The following PRPF8 variants were observed in gnomAD, a reference collection of about 807,000 sequenced individuals.
PRPF8 encodes the protein pre-mRNA-processing-splicing factor 8.
PRPF8 carries 64 observed loss-of-function variants against 285.9 expected under a neutral mutation model. The ratio of observed to expected loss-of-function variants is 0.22; its 90% CI spans 0.18 to 0.28. The LOEUF (loss-of-function observed/expected upper bound fraction) is 0.28. PRPF8 is among the 10% of genes least tolerant of loss of function. PRPF8 has a pLI of 1.00. For synonymous variants in PRPF8, 1,325 were observed against 1,118.2 expected, an observed-to-expected ratio of 1.18 and a Z score of -3.69; for missense variants, 1,426 against 3,026.7, an observed-to-expected ratio of 0.47 and a Z score of 12.41.
chr17:1,655,488 G>A lies in PRPF8; in HGVS notation c.5849C>T (p.Ala1950Val), dbSNP rs1911319119. Residue 1950 changes from alanine (A) to valine (V), a missense_variant, in exon 37 of 43, where the codon GCA becomes GTA. Ala to Val is a moderately conservative substitution (Grantham distance 64). This residue lies in a region of PRPF8 where 35 missense variants were observed against 47.7 expected (regional missense o/e 0.73). Coordinates refer to ENST00000304992, the MANE Select transcript of PRPF8 (RefSeq NM_006445.4). ...LRALHVNNDR[A>V]KVILKPDKTT... ...CTTGTCTGGCTTCAGGATCACTTTT[G>A]CCCGATCGTTGTTCACATGTAGGGC... 6.2e-7 allele frequency: 1 copy of A among 1,614,076 alleles called. No individual in the cohort carries two copies. Among genetic ancestry groups the A allele is most frequent in the Non-Finnish European group, 8.5e-7 (1 of 1,179,980 alleles).
At chr17:1,660,391 C>A in intron 30 of PRPF8, 41 bp downstream of exon 30, 1 of 1,612,822 alleles carries the variant, frequency 6.2e-7, no homozygotes, top group Non-Finnish European at 8.5e-7. Context: ...TCCACCTGAG[C>A]TGACTCTCTA....
rs757084657 is a variant in PRPF8 at position 1,658,222 on chromosome 17, C to G, written c.5505+31G>C. On this transcript the variant is annotated intron_variant, in intron 34 of 42. Transcript: ENST00000304992. This position sits in a 1 kb window ranked among gnomAD's most constrained non-coding sequence, Gnocchi z 4.1. ...CCCAAGAATAAGAGGCAACATGGTT[C>G]TACAGCCTCTTCATCTTTAAACCTG... 6.2e-7 allele frequency: 1 copy of G among 1,613,852 alleles called. No individual in the cohort carries two copies. Among genetic ancestry groups the G allele is most frequent in the Non-Finnish European group, 8.5e-7 (1 of 1,180,006 alleles).
chr17:1,684,059 G>C (rs1025510482), intron 2 of PRPF8, among the ~76,000 whole-genome samples: 4 of 151,862 alleles, frequency 2.6e-5, no homozygotes, highest in African/African-American at 9.7e-5. Flanking sequence ...ACTCATTTTT[G>C]TATTTTTCGT....
chr17:1,680,852 A>G (rs776102632), intron 7 of PRPF8, 21 bp from the exon 8 acceptor site: 2 of 1,614,058 alleles, frequency 1.2e-6, no homozygotes, highest in South Asian at 2.2e-5. Flanking sequence ...AGGAAGAGTC[A>G]GCCAAAGTTT....
At chr17:1,660,898 G>A (rs1453936943) in intron 28 of PRPF8, 71 bp from the exon 29 acceptor site, 54 of 1,612,404 alleles carry the variant, frequency 3.3e-5, no homozygotes, top group Non-Finnish European at 8.5e-7. Flanking sequence ...TCCTGGAGGT[G>A]GCTGTCTGGG....
chr17:1,677,277 G>A (rs1367428346), intron 14 of PRPF8, 105 bp from the exon 15 acceptor site: 8 of 1,228,526 alleles, frequency 6.5e-6, no homozygotes, highest in South Asian at 1.2e-5. Context: ...ATAAAATTAG[G>A]TATTAACAAA....
intron 24 of PRPF8, among the ~76,000 whole-genome samples, chr17:1,667,066 A>T (rs891177947): frequency 6.6e-6 from 1 of 152,040 alleles, no homozygotes; most frequent in Admixed American, 6.6e-5. Flanking sequence ...CCAGCTACTC[A>T]GGAGGCTGAG....
rs1347924763 is a variant in PRPF8 at position 1,684,776 on chromosome 17, G to A, written c.-12+4C>T. ...CAGCCCGGCCTTAAACGCCTGCCAC[G>A]CACCCCACAGGCCCTCACACAAGAG... On this transcript the variant is annotated splice_donor_region_variant and intron_variant, in intron 1 of 42. Coordinates refer to ENST00000304992, the MANE Select transcript of PRPF8 (RefSeq NM_006445.4). 4 of 626,618 alleles carry A rather than the reference G, an allele frequency of 6.4e-6. No homozygotes were observed. Among genetic ancestry groups the A allele is most frequent in the Non-Finnish European group, 1.1e-5 (4 of 349,108 alleles). The allele number at this position is 626,618 out of a possible 1,614,324, so 38.8% of individuals were successfully genotyped here.
chr17:1,651,884 G>A lies in PRPF8; in HGVS notation c.6370-96C>T. On this transcript the variant is annotated intron_variant, in intron 39 of 42. Transcript: ENST00000304992. This position sits in a 1 kb window ranked among gnomAD's most constrained non-coding sequence, Gnocchi z 5.1. ...GTTTCCTTCCTTCCCCCAAGAACGA[G>A]GACAGAGTTTCTTAAAACGTGATCA... 1 of 1,480,278 alleles carries A rather than the reference G, an allele frequency of 6.8e-7. No individual in the cohort carries two copies. Among genetic ancestry groups the A allele is most frequent in the Non-Finnish European group, 9.4e-7 (1 of 1,065,956 alleles). The allele number at this position is 1,480,278 out of a possible 1,614,324, so 91.7% of individuals were successfully genotyped here. A position where few individuals can be genotyped will look rare whatever the true frequency, so the allele number is the denominator to read the frequency against.
chr17:1,651,368 G>C lies in PRPF8; in HGVS notation c.6650+46C>G, dbSNP rs374579230. The C allele has an allele frequency of 1.9e-6, 3 of 1,613,874 alleles. No individual in the cohort carries two copies. Among genetic ancestry groups the C allele is most frequent in the Admixed American group, 1.7e-5 (1 of 59,986 alleles). ...AGGCCACTGTTCTGGGCCCTGGCCTGCAATCCCTGCCCCACCATACTTCCT... is the reference window on the plus strand; with the variant it reads ...AGGCCACTGTTCTGGGCCCTGGCCTCCAATCCCTGCCCCACCATACTTCCT... On this transcript the variant is annotated intron_variant, in intron 41 of 42. Coordinates refer to ENST00000304992, the MANE Select transcript of PRPF8 (RefSeq NM_006445.4). This position sits in a 1 kb window ranked among gnomAD's most constrained non-coding sequence, Gnocchi z 5.1.
rs62088057 is a variant in PRPF8, at chr17:1,659,237, A to C, written c.5138+120T>G. The stretch of plus-strand genomic sequence containing the variant: ...GACAGGGTTTCACCATGTTGCCCAG[A>C]CTGGTCTCAAACTCCTGAGCTCAGA... On this transcript the variant is annotated intron_variant, in intron 32 of 42. Coordinates refer to ENST00000304992, the MANE Select transcript of PRPF8 (RefSeq NM_006445.4). This position sits in a 1 kb window ranked among gnomAD's most constrained non-coding sequence, Gnocchi z 5.1. The C allele has an allele frequency of 0.034, 38,800 of 1,149,786 alleles. 776 individuals are homozygous for C. The highest frequency in any genetic ancestry group is 0.054 in the Middle Eastern group (193 of 3,576). 71.2% of individuals were successfully genotyped at this position (1,149,786 alleles called of 1,614,324 possible). A position where few individuals can be genotyped will look rare whatever the true frequency, so the allele number is the denominator to read the frequency against.
At position 1,650,910 on chromosome 17, in the gene PRPF8, G is replaced by A. The variant is rs141762321; in HGVS notation, c.6900C>T (p.Asn2300=). 51 of 1,614,058 alleles carry A rather than the reference G, an allele frequency of 3.2e-5. No individual in the cohort carries two copies. In the African/African-American group the frequency reaches 4.7e-4, roughly 15 times the overall value. ...GCACCTCGTGGTAGAACTCTTTGGG[G>A]TTCGCCAGCTGTAGCTCATATTTCA... ...PNMKYELQLA[N]PKEFYHEVHR... is the part of the protein sequence containing the mutation. The change falls in exon 43 of 43, where the codon AAC becomes AAT. Residue 2300 remains asparagine, a synonymous_variant. Transcript: ENST00000304992.
Position 1,650,766 on chromosome 17 carries a change from G to A in PRPF8, c.*36C>T, listed in dbSNP as rs776962939. 22 of 1,612,270 alleles carry A rather than the reference G, an allele frequency of 1.4e-5. No homozygotes were observed. The highest frequency in any genetic ancestry group is 2.2e-5 in the South Asian group (2 of 91,016). The stretch of plus-strand genomic sequence containing the variant: ...GCCTGTCTGGAGGGGCTGAGGCTTC[G>A]GCCTCGGGAGGCTGAAGCAGGAGGC... On this transcript the variant is annotated 3_prime_UTR_variant, in exon 43 of 43. Coordinates refer to ENST00000304992, the MANE Select transcript of PRPF8 (RefSeq NM_006445.4).
At chr17:1,655,257 C>T in intron 37 of PRPF8, 93 bp downstream of exon 37, 1 of 1,463,018 alleles carries the variant, frequency 6.8e-7, no homozygotes, top group Non-Finnish European at 9.4e-7. Flanking sequence ...CGCGCCTGGC[C>T]TTCTTGAGAA....
chr17:1,661,570 T>G lies in PRPF8; in HGVS notation c.4202+41A>C. The G allele has an allele frequency of 6.2e-7, 1 of 1,612,038 alleles. No individual in the cohort carries two copies. The highest frequency in any genetic ancestry group is 1.3e-5 in the African/African-American group (1 of 75,016). On this transcript the variant is annotated intron_variant, in intron 26 of 42. Transcript: ENST00000304992. This position sits in a 1 kb window ranked among gnomAD's most constrained non-coding sequence, Gnocchi z 7.3. Reference sequence around the variant, plus strand: ...CTCCACACGGTTCAAAGGCCACCACTGCCCCTGCCCCAGGGTTGGCATGCC... The same window carrying G: ...CTCCACACGGTTCAAAGGCCACCACGGCCCCTGCCCCAGGGTTGGCATGCC...
Position 1,677,541 on chromosome 17 carries a change from T to C in PRPF8, c.1984+24A>G, listed in dbSNP as rs760699485. The C allele has an allele frequency of 1.3e-4, 203 of 1,613,684 alleles. 1 individual carries two copies. The highest frequency in any genetic ancestry group is 1.6e-4 in the Middle Eastern group (1 of 6,080). On this transcript the variant is annotated intron_variant, in intron 14 of 42. Transcript: ENST00000304992. ...ACTTTTGAAGCAATAACAGGAGAAG[T>C]TGGACACAGAGAAAACCACTCACCT... is the stretch of plus-strand genomic sequence containing the variant.
chr17:1,655,012 G>A, intron 37 of PRPF8: 1 of 302,902 alleles, frequency 3.3e-6, no homozygotes, highest in Non-Finnish European at 6.4e-6. Context: ...AGGCTGGAGT[G>A]CAGTGGCATG....
In PRPF8 at chr17:1,673,016, A is replaced by C. The variant is rs1597242748; in HGVS notation, c.3774+65T>G. The C allele has an allele frequency of 4.9e-6, 7 of 1,433,792 alleles. 1 individual carries two copies. Among genetic ancestry groups the C allele is most frequent in the Middle Eastern group, 1.8e-4 (1 of 5,604 alleles). The allele number at this position is 1,433,792 out of a possible 1,614,324, so 88.8% of individuals were successfully genotyped here. A position where few individuals can be genotyped will look rare whatever the true frequency, so the allele number is the denominator to read the frequency against. On this transcript the variant is annotated intron_variant, in intron 24 of 42. Transcript: ENST00000304992. This position sits in a 1 kb window ranked among gnomAD's most constrained non-coding sequence, Gnocchi z 5.5. The stretch of plus-strand genomic sequence containing the variant: ...AGCAGCCAGCAGGGGACGAAGTGAA[A>C]GGGGTGTGAAATGAGCAGAGGACAG...
chr17:1,656,784 A>G, intron 34 of PRPF8, 23 bp from the exon 35 acceptor site: 4 of 1,602,540 alleles, frequency 2.5e-6, no homozygotes, highest in Non-Finnish European at 3.4e-6. Flanking sequence ...AGAGAAGAAA[A>G]TGGAAATTTA....
Sources: gnomAD v4.1 joint callset for allele counts (sites outside exome capture counted in the v4.1 genomes callset) on GRCh38, gnomAD v4.1.1 for gene constraint, gnomAD v4.1.1 regional missense constraint, Gnocchi (gnomAD v3.1) non-coding constraint, MANE v1.5 for transcripts, NCBI Gene and HGNC (gene_info 2026-07-23, HGNC 2026-07-21) for gene names.